Variants in UNC79 observed in about 807,000 individuals in gnomAD.
UNC79 encodes the protein unc-79 subunit of NALCN channel complex.
Under a neutral mutation model 283.1 loss-of-function variants are expected in UNC79, and 37 were observed. The ratio of observed to expected loss-of-function variants is 0.13; its 90% CI spans 0.10 to 0.17. UNC79 has a LOEUF of 0.17. Among genes scored for constraint, UNC79 ranks in the 10% least tolerant of loss-of-function variants. UNC79 has a pLI of 1.00. For synonymous variants in UNC79, 1,107 were observed against 1,200.2 expected (o/e 0.92, Z 1.61); for missense variants, 2,272 against 3,211.1 (o/e 0.71, Z 7.07).
At chr14:93,641,982 C>T (rs921373281) in intron 33 of UNC79, among the ~76,000 whole-genome samples, 1 of 152,148 alleles carries the variant, frequency 6.6e-6, no homozygotes, top group Non-Finnish European at 1.5e-5. Flanking sequence ...TGACTTTGCT[C>T]CCCCTTGCCT....
intron 39 of UNC79, among the ~76,000 whole-genome samples, chr14:93,661,634 C>G (rs2071611662): frequency 6.6e-6 from 1 of 152,148 alleles, no homozygotes; most frequent in South Asian, 2.1e-4. Flanking sequence ...ACTTAACTGC[C>G]TAAGCTGCAG....
chr14:93,634,566 T>A, intron 31 of UNC79: 1 of 1,614,104 alleles, frequency 6.2e-7, no homozygotes, highest in East Asian at 2.2e-5. Context: ...GTTCTGACAA[T>A]GAGCCAGTTA....
chr14:93,496,662 C>T (rs893771943), intron 6 of UNC79, among the ~76,000 whole-genome samples, 196 bp downstream of exon 6: 1 of 152,068 alleles, frequency 6.6e-6, no homozygotes, highest in Non-Finnish European at 1.5e-5. Flanking sequence ...TTAAGAACAT[C>T]GTGTCTTGAC....
At chr14:93,562,466 G>A (rs371462346) in intron 14 of UNC79, among the ~76,000 whole-genome samples, 2 of 152,288 alleles carry the variant, frequency 1.3e-5, no homozygotes, top group East Asian at 1.9e-4. Flanking sequence ...GTACCCTGTA[G>A]CATCTCAAGG....
intron 5 of UNC79, 147 bp from the exon 6 acceptor site, chr14:93,496,264 A>T: frequency 2.0e-6 from 1 of 498,488 alleles, no homozygotes; most frequent in Non-Finnish European, 3.5e-6. Flanking sequence ...ATATTTTTTA[A>T]GTATGAATAT....
At chr14:93,584,289 A>G (rs1468234806) in intron 20 of UNC79, among the ~76,000 whole-genome samples, 3 of 152,164 alleles carry the variant, frequency 2.0e-5, no homozygotes, top group African/African-American at 7.2e-5. Flanking sequence ...TTCATATTTC[A>G]CATGATTCCA....
At chr14:93,451,872 C>A (rs1312447947) in intron 1 of UNC79, among the ~76,000 whole-genome samples, 2 of 152,206 alleles carry the variant, frequency 1.3e-5, no homozygotes, top group African/African-American at 4.8e-5. Context: ...AAGTCAACTG[C>A]TACTTGTCTA....
At chr14:93,627,291 T>C (rs954378682) in intron 30 of UNC79, among the ~76,000 whole-genome samples, 1 of 152,192 alleles carries the variant, frequency 6.6e-6, no homozygotes, top group Non-Finnish European at 1.5e-5. Flanking sequence ...CCTAGTCTCT[T>C]CTCTATGAAC....
chr14:93,620,943 C>G (rs753783572), intron 29 of UNC79: 13 of 518,496 alleles, frequency 2.5e-5, no homozygotes, highest in African/African-American at 2.5e-4. Flanking sequence ...CCTACTGGAC[C>G]CTGCAATAAA....
chr14:93,650,814 T>C (rs575600023), intron 35 of UNC79, among the ~76,000 whole-genome samples: 2 of 152,238 alleles, frequency 1.3e-5, no homozygotes, highest in Admixed American at 6.5e-5. Flanking sequence ...AAACAAAACA[T>C]TACAATTATT....
At chr14:93,489,386 A>G (rs1345700826) in intron 5 of UNC79, among the ~76,000 whole-genome samples, 1 of 152,218 alleles carries the variant, frequency 6.6e-6, no homozygotes, top group African/African-American at 2.4e-5. Flanking sequence ...TCAAAAGTCC[A>G]AAGTCTCATG....
At chr14:93,555,425 A>G (rs1289025140) in intron 14 of UNC79, among the ~76,000 whole-genome samples, 1 of 152,004 alleles carries the variant, frequency 6.6e-6, no homozygotes, top group South Asian at 2.1e-4. Flanking sequence ...AATTTTTGAG[A>G]TGGAGTCTCT....
intron 1 of UNC79, among the ~76,000 whole-genome samples, chr14:93,459,600 C>CT (rs1428050958): frequency 3.3e-5 from 5 of 150,768 alleles, no homozygotes. Context: ...GCCTGTTAAA[C>CT]TATCAGTTTT....
intron 4 of UNC79, among the ~76,000 whole-genome samples, chr14:93,486,876 T>C (rs1377338889): frequency 6.6e-6 from 1 of 152,194 alleles, no homozygotes; most frequent in Non-Finnish European, 1.5e-5. Context: ...ACCATGATTA[T>C]ACAGCGGTAA....
At chr14:93,444,153 C>G (rs995494424) in intron 1 of UNC79, among the ~76,000 whole-genome samples, 3 of 152,110 alleles carry the variant, frequency 2.0e-5, no homozygotes, top group Non-Finnish European at 4.4e-5. Context: ...AGTTGGTGTG[C>G]AGTGGTATCT....
intron 4 of UNC79, among the ~76,000 whole-genome samples, chr14:93,487,058 T>A (rs2058477776): frequency 1.3e-5 from 2 of 152,188 alleles, no homozygotes; most frequent in South Asian, 4.1e-4. Context: ...CTCATGGTAA[T>A]GAAGACATTG....
intron 1 of UNC79, among the ~76,000 whole-genome samples, chr14:93,333,842 G>A (rs1437692072): frequency 6.6e-6 from 1 of 152,172 alleles, no homozygotes; most frequent in Admixed American, 6.5e-5. Flanking sequence ...GTCAGGATAG[G>A]TGTTTTTATT....
At chr14:93,656,172 G>A (rs1041394548) in intron 38 of UNC79, among the ~76,000 whole-genome samples, 8 of 152,184 alleles carry the variant, frequency 5.3e-5, no homozygotes, top group Non-Finnish European at 1.0e-4. Flanking sequence ...TGCAGCAGGG[G>A]TGAGTTGAAG....
Position 93,448,419 on chromosome 14 carries a change from A to T in UNC79, c.22+17368A>T, listed in dbSNP as rs906928479. On this transcript the variant is annotated intron_variant, in intron 1 of 48. Coordinates refer to ENST00000555664, the Ensembl canonical transcript of UNC79. ...TCTCTGATGAGAGTTTCATGCATTG[A>T]AAACATATTTTGTTTTACTTAATTG... Among the ~76,000 whole-genome samples the T allele has an allele frequency of 2.0e-5, 3 of 152,204 alleles. No individual in the cohort carries two copies. The East Asian group carries it at 5.8e-4, about 29-fold the overall frequency.
Sources: gnomAD v4.1 joint callset for allele counts (sites outside exome capture counted in the v4.1 genomes callset) on GRCh38, gnomAD v4.1.1 for gene constraint, MANE v1.5 for transcripts, NCBI Gene and HGNC (gene_info 2026-07-23, HGNC 2026-07-21) for gene names.